The following SOX5 variants were observed in gnomAD, a reference collection of about 807,000 sequenced individuals.
SOX5 encodes SRY-box transcription factor 5.
Under a neutral mutation model 92.0 loss-of-function variants are expected in SOX5, and 9 were observed. The ratio of observed to expected loss-of-function variants is 0.10; its 90% CI spans 0.06 to 0.17. The LOEUF (loss-of-function observed/expected upper bound fraction) is 0.17, where lower values mean the gene tolerates loss of function less well. SOX5 is among the 10% of genes least tolerant of loss of function. The pLI, the probability that SOX5 is intolerant of heterozygous loss-of-function variation, is 1.00. For synonymous variants in SOX5, 344 were observed against 336.3 expected (o/e 1.02, Z -0.25); for missense variants, 642 against 944.5 (o/e 0.68, Z 4.20).
chr12:24,325,501 T>C (rs887610365), intron 2 of SOX5, among the ~76,000 whole-genome samples: 12 of 152,132 alleles, frequency 7.9e-5, no homozygotes, highest in African/African-American at 2.9e-4. Flanking sequence ...ACAATGAGCC[T>C]TGATTTAGAA....
At chr12:24,219,093 A>C (rs1488935358) in intron 3 of SOX5, among the ~76,000 whole-genome samples, 1 of 152,132 alleles carries the variant, frequency 6.6e-6, no homozygotes, top group Non-Finnish European at 1.5e-5. Context: ...GTTATAAAAG[A>C]AAATTTTAGC....
intron 3 of SOX5, among the ~76,000 whole-genome samples, chr12:23,756,302 A>G (rs1394181130): frequency 1.3e-5 from 2 of 151,844 alleles, no homozygotes; most frequent in East Asian, 3.9e-4. Flanking sequence ...TAGAGAAGTG[A>G]GGAATGCTGC....
intron 3 of SOX5, among the ~76,000 whole-genome samples, chr12:23,824,555 C>T (rs1198270471): frequency 1.3e-5 from 2 of 152,180 alleles, no homozygotes; most frequent in African/African-American, 4.8e-5. Context: ...TTGACCCCTG[C>T]TGGGACGTGT....
chr12:24,179,970 T>C (rs957298862), intron 4 of SOX5, among the ~76,000 whole-genome samples: 8 of 151,374 alleles, frequency 5.3e-5, no homozygotes, highest in Non-Finnish European at 1.2e-4. Flanking sequence ...AGAAAAGTTA[T>C]GGGACCTCAC....
chr12:23,728,949 A>C (rs2140792480), intron 6 of SOX5, among the ~76,000 whole-genome samples: 1 of 152,302 alleles, frequency 6.6e-6, no homozygotes, highest in African/African-American at 2.4e-5. Context: ...AGCCTTTCTA[A>C]AAACCTCTTG....
intron 2 of SOX5, among the ~76,000 whole-genome samples, chr12:23,872,295 G>A (rs370642787): frequency 2.7e-5 from 4 of 150,614 alleles, no homozygotes; most frequent in Middle Eastern, 3.2e-3. Flanking sequence ...TACAGGCGTG[G>A]GCCACCCCAC....
chr12:23,691,860 T>C (rs2140047089), intron 6 of SOX5, among the ~76,000 whole-genome samples: 1 of 152,306 alleles, frequency 6.6e-6, no homozygotes, highest in Admixed American at 6.5e-5. Context: ...CTTAGTTCAT[T>C]AATTCCTCTA....
At chr12:23,663,028 T>C (rs1006881792) in intron 7 of SOX5, among the ~76,000 whole-genome samples, 1 of 152,146 alleles carries the variant, frequency 6.6e-6, no homozygotes, top group African/African-American at 2.4e-5. Flanking sequence ...AGAGCGGTAA[T>C]GGCACAATTT....
intron 4 of SOX5, among the ~76,000 whole-genome samples, chr12:24,001,364 T>C (rs1951593682): frequency 6.7e-6 from 1 of 149,790 alleles, no homozygotes. Context: ...AGTGCTGGGA[T>C]TACAAGCATG....
At chr12:24,327,016 G>A (rs1045754253) in intron 2 of SOX5, among the ~76,000 whole-genome samples, 1 of 152,130 alleles carries the variant, frequency 6.6e-6, no homozygotes, top group Non-Finnish European at 1.5e-5. Context: ...CACAGTAGGT[G>A]CTCAATAAAT....
intron 1 of SOX5, among the ~76,000 whole-genome samples, chr12:24,526,679 G>A (rs886630446): frequency 1.3e-5 from 2 of 152,126 alleles, no homozygotes; most frequent in Non-Finnish European, 2.9e-5. Flanking sequence ...GGCCCAGCAC[G>A]TGCTACTCCT....
chr12:24,534,280 C>T (rs1352172266), intron 1 of SOX5, among the ~76,000 whole-genome samples: 2 of 150,386 alleles, frequency 1.3e-5, no homozygotes, highest in African/African-American at 4.9e-5. Flanking sequence ...TTTCGGGGAG[C>T]TACTATTACA....
chr12:24,259,845 A>C (rs1941828313), intron 3 of SOX5, among the ~76,000 whole-genome samples: 1 of 152,238 alleles, frequency 6.6e-6, no homozygotes, highest in African/African-American at 2.4e-5. Flanking sequence ...TGTATATCTT[A>C]GATTCCATAA....
At chr12:23,639,670 T>A (rs1380833443) in intron 8 of SOX5, among the ~76,000 whole-genome samples, 1 of 152,158 alleles carries the variant, frequency 6.6e-6, no homozygotes, top group African/African-American at 2.4e-5. Context: ...GTGTAGCTGT[T>A]CACAGAAAAG....
chr12:23,660,930 A>G (rs1326075138), intron 7 of SOX5, among the ~76,000 whole-genome samples: 3 of 152,170 alleles, frequency 2.0e-5, no homozygotes, highest in Admixed American at 2.0e-4. Flanking sequence ...AAATTTTAAA[A>G]TATCCTGTGC....
chr12:23,993,392 G>A (rs185119875), intron 4 of SOX5, among the ~76,000 whole-genome samples: 1 of 152,226 alleles, frequency 6.6e-6, no homozygotes, highest in Admixed American at 6.5e-5. Context: ...CATCTAGTTC[G>A]AGAATACACA....
At chr12:24,082,404 GAAAAAAAAAAAAAAAAAA>G (rs58736325) in intron 4 of SOX5, among the ~76,000 whole-genome samples, 1 of 73,386 alleles carries the variant, frequency 1.4e-5, no homozygotes, top group Non-Finnish European at 2.4e-5. Flanking sequence ...CTTTCGAAAA[GAAAAAAAAAAAAAAAAAA>G]AAAAAAAAAA....
At chr12:24,060,853 A>C (rs1195381905) in intron 4 of SOX5, among the ~76,000 whole-genome samples, 2 of 152,230 alleles carry the variant, frequency 1.3e-5, no homozygotes, top group Non-Finnish European at 2.9e-5. Context: ...TAACACAGAG[A>C]AAGGCAAAGA....
chr12:24,354,406 G>A (rs369896024), intron 2 of SOX5, among the ~76,000 whole-genome samples: 1 of 152,366 alleles, frequency 6.6e-6, no homozygotes, highest in East Asian at 1.9e-4. Context: ...GATCATATGG[G>A]GCCTTGCAGG....
Sources: allele counts gnomAD v4.1 joint callset (sites outside exome capture counted in the v4.1 genomes callset), GRCh38; gene constraint gnomAD v4.1.1; transcripts MANE v1.5; gene names NCBI Gene and HGNC (gene_info 2026-07-23, HGNC 2026-07-21).